NUP98: variants seen among roughly 807,000 people sequenced by gnomAD.
NUP98 encodes nuclear pore complex protein Nup98-Nup96.
A neutral mutation model predicts 191.9 loss-of-function variants in NUP98; 26 were observed. The observed-to-expected ratio is 0.14, with a 90% confidence interval of 0.10 to 0.19. NUP98 has a LOEUF of 0.19. Among genes scored for constraint, NUP98 ranks in the 10% least tolerant of loss-of-function variants. The probability of loss-of-function intolerance (pLI) is 1.00; values close to 1 mark genes in which losing one functional copy is unlikely to be tolerated. For missense variants in NUP98, 1,941 were observed against 2,178.8 expected (o/e 0.89, Z 2.17); for synonymous variants, 808 against 778.4 (o/e 1.04, Z -0.63).
chr11:3,758,194 G>A (rs966262995), intron 10 of NUP98, among the ~76,000 whole-genome samples: 5 of 151,878 alleles, frequency 3.3e-5, no homozygotes, highest in Admixed American at 2.6e-4. Context: ...GGTGGTGGGT[G>A]CCCGTAGTCC....
chr11:3,790,974 C>A (rs933822501), intron 1 of NUP98, among the ~76,000 whole-genome samples: 5 of 151,320 alleles, frequency 3.3e-5, no homozygotes, highest in Non-Finnish European at 5.9e-5. Context: ...CGGCTGACTG[C>A]AAGCTCTGCC....
intron 28 of NUP98, among the ~76,000 whole-genome samples, chr11:3,689,510 G>T (rs903097675): frequency 9.2e-5 from 14 of 151,910 alleles, no homozygotes; most frequent in African/African-American, 3.4e-4. Flanking sequence ...CTGGGCAACT[G>T]AGCAAGAGAG....
At chr11:3,711,428 A>T (rs985648105) in intron 20 of NUP98, 2 of 152,154 alleles carry the variant, frequency 1.3e-5, no homozygotes, top group Admixed American at 1.3e-4. Context: ...TACTGTCAAC[A>T]TTACAAACAT....
intron 30 of NUP98, among the ~76,000 whole-genome samples, chr11:3,680,158 T>C (rs982037075): frequency 6.6e-6 from 1 of 152,204 alleles, no homozygotes; most frequent in African/African-American, 2.4e-5. Context: ...GTGATGGCTA[T>C]GCTAATTTCT....
intron 2 of NUP98, among the ~76,000 whole-genome samples, chr11:3,781,749 T>C (rs1264835073): frequency 6.6e-6 from 1 of 152,086 alleles, no homozygotes; most frequent in Non-Finnish European, 1.5e-5. Flanking sequence ...ATTAAGAGAA[T>C]TATTTTCTGG....
chr11:3,768,697 T>G lies in NUP98; in HGVS notation c.832A>C (p.Asn278His). ...CTGAAGAGGCTGGTAGTCTGCTGATTCTGTTGGCCAAAGAGACCACCTGGA... is the reference window on the plus strand; with the variant it reads ...CTGAAGAGGCTGGTAGTCTGCTGATGCTGTTGGCCAAAGAGACCACCTGGA... ...TNPGGLFGQQ[N>H]QQTTSLFSKP... Residue 278 changes from asparagine (N) to histidine (H), a missense_variant, in exon 8 of 33, where the codon AAT becomes CAT. By Grantham distance (68) the Asn-to-His change is moderately conservative. Transcript: ENST00000324932. 6.2e-7 allele frequency: 1 copy of G among 1,606,060 alleles called. No individual in the cohort carries two copies. The highest frequency in any genetic ancestry group is 8.5e-7 in the Non-Finnish European group (1 of 1,175,592).
rs183332657 is a variant in NUP98 at position 3,783,568 on chromosome 11, G to A, written c.-28-1423C>T. Among the ~76,000 whole-genome samples, 433 of 152,188 alleles carry A rather than the reference G, an allele frequency of 2.8e-3. 5 individuals carry two copies. Among genetic ancestry groups the A allele is most frequent in the African/African-American group, 8.2e-3 (340 of 41,530 alleles). ...ACAAAAATTAGCCAGGCGTGGTGGT[G>A]CATGCCTGTAATCTCAGCTATTTGG... On this transcript the variant is annotated intron_variant, in intron 1 of 32. Transcript: ENST00000324932.
Position 3,720,946 on chromosome 11 carries a change from A to C in NUP98, c.2147-121T>G, listed in dbSNP as rs2079369770. The C allele has an allele frequency of 1.8e-5, 10 of 565,316 alleles. No homozygotes were observed. The East Asian group carries it at 3.0e-4, about 17-fold the overall frequency. 35.0% of individuals were successfully genotyped at this position (565,316 alleles called of 1,614,324 possible). On this transcript the variant is annotated intron_variant, in intron 16 of 32. Coordinates refer to ENST00000324932, the MANE Select transcript of NUP98 (RefSeq NM_016320.5). ...AATTTTCCAAACTACTTTTCTACCA[A>C]ACATGATTCCTAGGAGAAGGGGTGT...
At chr11:3,758,417 G>A (rs2081053214) in intron 10 of NUP98, among the ~76,000 whole-genome samples, 1 of 152,136 alleles carries the variant, frequency 6.6e-6, no homozygotes, top group African/African-American at 2.4e-5. Flanking sequence ...CATGGGGAAG[G>A]GTAAGTGATA....
intron 28 of NUP98, among the ~76,000 whole-genome samples, chr11:3,688,347 A>G (rs2078191530): frequency 6.6e-6 from 1 of 152,130 alleles, no homozygotes; most frequent in South Asian, 2.1e-4. Context: ...CAGAGCTTGC[A>G]GTGAGCCTAG....
At position 3,775,930 on chromosome 11, in the gene NUP98, C is replaced by G; in HGVS notation, c.447G>C (p.Gly149=). The change falls in exon 5 of 33, where the codon GGG becomes GGC. Residue 149 remains glycine, a synonymous_variant. Transcript: ENST00000324932. Reference sequence around the variant, plus strand: ...TAGGAGCAGCTGTAAAACTACTTGGCCCAAAGAGGGAGCCAGATGTGCTGC... The same window carrying G: ...TAGGAGCAGCTGTAAAACTACTTGGGCCAAAGAGGGAGCCAGATGTGCTGC... ...PFGSTSGSLF[G]PSSFTAAPTG... is the part of the protein sequence containing the mutation. The G allele has an allele frequency of 6.2e-7, 1 of 1,613,644 alleles. No individual in the cohort carries two copies. The highest frequency in any genetic ancestry group is 8.5e-7 in the Non-Finnish European group (1 of 1,179,688).
intron 20 of NUP98, among the ~76,000 whole-genome samples, chr11:3,707,007 T>C (rs550989618): frequency 2.6e-5 from 4 of 152,136 alleles, no homozygotes; most frequent in South Asian, 2.1e-4. Context: ...CCAGAAGACA[T>C]TGGAAAAAAA....
At position 3,686,132 on chromosome 11, in the gene NUP98, C is replaced by T. The variant is rs781658004; in HGVS notation, c.4517G>A (p.Arg1506His). Residue 1506 changes from arginine to histidine, a missense_variant, in exon 29 of 33, where the codon CGC becomes CAC. This residue lies in a region of NUP98 where 1,030 missense variants were observed against 1,115.8 expected (regional missense o/e 0.92). Coordinates refer to ENST00000324932, the MANE Select transcript of NUP98 (RefSeq NM_016320.5). Reference sequence around the variant, plus strand: ...CACTTCCCACAAGTGCCAGCTTAGGCGGTAGTCCAAAGGATCTGCTGTTAT... The same window carrying T: ...CACTTCCCACAAGTGCCAGCTTAGGTGGTAGTCCAAAGGATCTGCTGTTAT... ...RSITADPLDY[R>H]LSWHLWEVLR... 1.9e-6 allele frequency: 3 copies of T among 1,614,198 alleles called. No homozygotes were observed. Among genetic ancestry groups the T allele is most frequent in the Non-Finnish European group, 1.7e-6 (2 of 1,180,048 alleles).
At chr11:3,778,142 T>C (rs1308721089) in intron 4 of NUP98, among the ~76,000 whole-genome samples, 1 of 135,900 alleles carries the variant, frequency 7.4e-6, no homozygotes, top group Non-Finnish European at 1.5e-5. Flanking sequence ...CAGCTCGCAA[T>C]GAGCCGAGAT....
chr11:3,763,201 G>A (rs1218937478), intron 8 of NUP98, among the ~76,000 whole-genome samples, 162 bp from the exon 9 acceptor site: 1 of 152,120 alleles, frequency 6.6e-6, no homozygotes, highest in Non-Finnish European at 1.5e-5. Flanking sequence ...CTGAAAAGCA[G>A]GGAGTATATT....
At chr11:3,776,585 G>A (rs760894204) in intron 4 of NUP98, among the ~76,000 whole-genome samples, 30 of 150,154 alleles carry the variant, frequency 2.0e-4, no homozygotes, top group Admixed American at 1.1e-3. Context: ...CCAGGTTGAC[G>A]CCATTTCTCC....
chr11:3,699,374 T>G, intron 24 of NUP98, 26 bp from the exon 25 acceptor site: 1 of 1,609,272 alleles, frequency 6.2e-7, no homozygotes, highest in Middle Eastern at 1.7e-4. Context: ...AAAAACAATG[T>G]TACGAGACAA....
intron 1 of NUP98, among the ~76,000 whole-genome samples, chr11:3,782,482 T>A (rs1345351358): frequency 6.6e-6 from 1 of 151,950 alleles, no homozygotes; most frequent in African/African-American, 2.4e-5. Context: ...CAAGGCAAGA[T>A]GTTTATATGA....
intron 8 of NUP98, among the ~76,000 whole-genome samples, chr11:3,767,584 G>A (rs2081381434): frequency 6.6e-6 from 1 of 152,054 alleles, no homozygotes; most frequent in South Asian, 2.1e-4. Flanking sequence ...GCCTCCCAAA[G>A]TGCTGGGATT....
Sources: gnomAD v4.1 joint callset for allele counts (sites outside exome capture counted in the v4.1 genomes callset) on GRCh38, gnomAD v4.1.1 for gene constraint, gnomAD v4.1.1 regional missense constraint, MANE v1.5 for transcripts, NCBI Gene and HGNC (gene_info 2026-07-23, HGNC 2026-07-21) for gene names.